GOLGA3: variants seen among roughly 807,000 people sequenced by gnomAD.
GOLGA3 encodes the protein golgin subfamily A member 3.
A neutral mutation model predicts 169.4 loss-of-function variants in GOLGA3; 75 were observed. The observed-to-expected ratio is 0.44, with a 90% CI of 0.37 to 0.54. The LOEUF is 0.54. Among genes scored for constraint, GOLGA3 ranks in the 20% least tolerant of loss-of-function variants. The probability of loss-of-function intolerance (pLI) is 0.00; values close to 1 mark genes in which losing one functional copy is unlikely to be tolerated. For synonymous variants in GOLGA3, 824 were observed against 822.4 expected (o/e 1.00, Z -0.03); for missense variants, 1,899 against 1,930.0 (o/e 0.98, Z 0.30).
chr12:132,769,723 G>A lies in GOLGA3; in HGVS notation c.*3382C>T, dbSNP rs1427859798. 6.6e-6 allele frequency: 1 copy of A among 152,192 alleles called. No individual in the cohort carries two copies. The highest frequency in any genetic ancestry group is 2.4e-5 in the African/African-American group (1 of 41,448). The allele number at this position is 152,192 out of a possible 1,614,324, so 9.4% of individuals were successfully genotyped here. On this transcript the variant is annotated 3_prime_UTR_variant, in exon 24 of 24. Transcript: ENST00000450791. ...CGCCCTAGCCCGTGACACACGGCGT[G>A]GGGATGAACACGCCACATAATGCAC... is the stretch of plus-strand genomic sequence containing the variant.
At chr12:132,795,758 CA>C (rs369080549) in intron 11 of GOLGA3, 93 bp downstream of exon 11, 8,110 of 1,160,614 alleles carry the variant, frequency 7.0e-3, no homozygotes, top group Non-Finnish European at 7.8e-3. Flanking sequence ...GAGACTGTTT[CA>C]AAAAAAAAAG....
At chr12:132,825,072 T>G (rs1441494515) in intron 1 of GOLGA3, among the ~76,000 whole-genome samples, 3 of 152,210 alleles carry the variant, frequency 2.0e-5, no homozygotes, top group Non-Finnish European at 4.4e-5. Context: ...CACTGAATAC[T>G]GGTACCCTGT....
rs1357368342 is a variant in GOLGA3 at position 132,796,456 on chromosome 12, C to G, written c.2100+83G>C. 2.1e-6 allele frequency: 3 copies of G among 1,460,588 alleles called. No homozygotes were observed. The African/African-American group carries it at 4.2e-5, about 20-fold the overall frequency. 90.5% of individuals were successfully genotyped at this position (1,460,588 alleles called of 1,614,324 possible). ...GCGGACGTGGCCCCACAGCAGAGGA[C>G]TGCTCGGTCTCCTTGTGTGCAGTCC... On this transcript the variant is annotated intron_variant, in intron 10 of 23. Coordinates refer to ENST00000450791, the MANE Select transcript of GOLGA3 (RefSeq NM_001389683.1).
At chr12:132,820,874 T>C (rs1196847251) in intron 2 of GOLGA3, among the ~76,000 whole-genome samples, 4 of 151,636 alleles carry the variant, frequency 2.6e-5, no homozygotes, top group Non-Finnish European at 2.9e-5. Context: ...CTGAGGTGGG[T>C]GGATCATTTG....
intron 21 of GOLGA3, among the ~76,000 whole-genome samples, chr12:132,775,632 C>T (rs2045185879): frequency 6.6e-6 from 1 of 152,184 alleles, no homozygotes. Context: ...CTCACTCTGT[C>T]ATCCAGGCTG....
At chr12:132,796,958 G>A (rs1165766065) in intron 9 of GOLGA3, among the ~76,000 whole-genome samples, 3 of 152,162 alleles carry the variant, frequency 2.0e-5, no homozygotes, top group Admixed American at 6.5e-5. Flanking sequence ...GAGCCTCCCC[G>A]ACTTTCTCGT....
chr12:132,772,942 T>A lies in GOLGA3; in HGVS notation c.*163A>T. 1 of 547,734 alleles carries A rather than the reference T, an allele frequency of 1.8e-6. No homozygotes were observed. The highest frequency in any genetic ancestry group is 2.5e-5 in the South Asian group (1 of 39,666). The allele number at this position is 547,734 out of a possible 1,614,324, so 33.9% of individuals were successfully genotyped here. A position where few individuals can be genotyped will look rare whatever the true frequency, so the allele number is the denominator to read the frequency against. ...AAGCTAATTGTGATCTTCGAATGTT[T>A]TTCTAGTCCTTGGCTCTCATTCTGC... On this transcript the variant is annotated 3_prime_UTR_variant, in exon 24 of 24. Transcript: ENST00000450791.
rs988675234 is a variant in GOLGA3, at chr12:132,806,627, C to T, written c.1290+550G>A. 9.2e-5 allele frequency among the ~76,000 whole-genome samples: 14 copies of T among 152,326 alleles called. No homozygotes were observed. The East Asian group carries it at 9.6e-4, about 10-fold the overall frequency. ...GCCTGGGTGCATTCTCACCCTCCCA[C>T]GCCAGAAGCGGACAGCTGAACCCCA... is the stretch of plus-strand genomic sequence containing the variant. On this transcript the variant is annotated intron_variant, in intron 6 of 23. Coordinates refer to ENST00000450791, the MANE Select transcript of GOLGA3 (RefSeq NM_001389683.1).
chr12:132,800,967 A>C (rs1949103340), intron 8 of GOLGA3, among the ~76,000 whole-genome samples: 1 of 152,210 alleles, frequency 6.6e-6, no homozygotes, highest in African/African-American at 2.4e-5. Context: ...TCAAAAAAAA[A>C]CCAAAAACAA....
In GOLGA3 at chr12:132,776,980, T is replaced by C; in HGVS notation, c.3833A>G (p.Lys1278Arg). 2.5e-6 allele frequency: 4 copies of C among 1,604,758 alleles called. No homozygotes were observed. The highest frequency in any genetic ancestry group is 3.4e-6 in the Non-Finnish European group (4 of 1,175,590). ...CACCTCTTGGTTTCCCACGGGCTGT[T>C]TGCTGAGCTGCTCGTCCAGCTGCTT... ...LQKQLDEQLSKQPVGNQEMEN... is the reference protein window; with the variant it reads ...LQKQLDEQLSRQPVGNQEMEN... The change falls in exon 20 of 24, where the codon AAA (lysine) becomes AGA (arginine). Residue 1278 changes from lysine to arginine, a missense_variant. By Grantham distance (26) the Lys-to-Arg change is conservative. Transcript: ENST00000450791.
Position 132,796,535 on chromosome 12 carries a change from T to C in GOLGA3, c.2100+4A>G. Reference sequence around the variant, plus strand: ...GTCCAGCCTGAAGGGCTGCAGGGACTTACCTGCTCCAGCTGCTGCTCCAGG... The same window carrying C: ...GTCCAGCCTGAAGGGCTGCAGGGACCTACCTGCTCCAGCTGCTGCTCCAGG... On this transcript the variant is annotated splice_donor_region_variant and intron_variant, in intron 10 of 23. Transcript: ENST00000450791. 2 of 1,608,046 alleles carry C rather than the reference T, an allele frequency of 1.2e-6. 1 individual carries two copies. The highest frequency in any genetic ancestry group is 2.2e-5 in the South Asian group (2 of 90,884).
chr12:132,814,251 C>T (rs1218667982), intron 3 of GOLGA3, among the ~76,000 whole-genome samples: 6 of 151,642 alleles, frequency 4.0e-5, no homozygotes, highest in East Asian at 2.0e-4. Context: ...CTCGAACTCC[C>T]GACCTGAGGT....
At chr12:132,781,625 A>G (rs888218262) in intron 17 of GOLGA3, among the ~76,000 whole-genome samples, 3 of 152,174 alleles carry the variant, frequency 2.0e-5, no homozygotes, top group African/African-American at 7.2e-5. Flanking sequence ...CAGGGGCTGC[A>G]GCCGGGTACA....
At position 132,798,213 on chromosome 12, in the gene GOLGA3, A is replaced by G. The variant is rs566313708; in HGVS notation, c.1938+127T>C. On this transcript the variant is annotated intron_variant, in intron 9 of 23. Transcript: ENST00000450791. ...GGTCCCAAAGCCTTAACGAGCAGTC[A>G]CTGCCCGCCATCCATGAGAATATTT... The G allele has an allele frequency of 3.5e-6, 3 of 853,734 alleles. No homozygotes were observed. In the African/African-American group the frequency reaches 5.3e-5, roughly 15 times the overall value. The allele number at this position is 853,734 out of a possible 1,614,324, so 52.9% of individuals were successfully genotyped here. A position where few individuals can be genotyped will look rare whatever the true frequency, so the allele number is the denominator to read the frequency against.
intron 4 of GOLGA3, among the ~76,000 whole-genome samples, chr12:132,811,564 G>A (rs927979006): frequency 1.2e-4 from 18 of 151,860 alleles, no homozygotes; most frequent in African/African-American, 4.4e-4. Flanking sequence ...GGGTTCAAGC[G>A]ATTCTCCTGT....
chr12:132,812,014 A>AAC (rs751772475), intron 4 of GOLGA3, among the ~76,000 whole-genome samples: 133 of 149,718 alleles, frequency 8.9e-4, no homozygotes, highest in Non-Finnish European at 1.7e-3. Context: ...AAAAAAAAAA[A>AAC]AAAAAAAAAC....
chr12:132,809,729 A>T (rs1430194135), intron 4 of GOLGA3, among the ~76,000 whole-genome samples: 2 of 152,206 alleles, frequency 1.3e-5, no homozygotes, highest in Non-Finnish European at 2.9e-5. Context: ...ATTGGAATAA[A>T]AAGTAATTGC....
At chr12:132,816,429 G>A in intron 3 of GOLGA3, 111 bp downstream of exon 3, 4 of 1,111,546 alleles carry the variant, frequency 3.6e-6, no homozygotes, top group Non-Finnish European at 5.3e-6. Context: ...ATGGCACACG[G>A]CAGGCACAGG....
At chr12:132,805,071 C>T (rs1457722414) in intron 6 of GOLGA3, 49 bp from the exon 7 acceptor site, 2 of 1,566,670 alleles carry the variant, frequency 1.3e-6, no homozygotes, top group Non-Finnish European at 1.7e-6. Context: ...CGAGTCACTT[C>T]CATCCAGTGT....
Sources: gnomAD v4.1 joint callset for allele counts (sites outside exome capture counted in the v4.1 genomes callset) on GRCh38, gnomAD v4.1.1 for gene constraint, MANE v1.5 for transcripts, NCBI Gene and HGNC (gene_info 2026-07-23, HGNC 2026-07-21) for gene names.